Variants in CDH18 observed in about 807,000 individuals in gnomAD.
CDH18 encodes cadherin 18, also known as cadherin-18.
CDH18 carries 31 observed loss-of-function variants against 67.9 expected under a neutral mutation model. That is an observed-to-expected ratio of 0.46 (90% CI 0.34 to 0.62). The LOEUF (loss-of-function observed/expected upper bound fraction) is 0.62, where lower values mean the gene tolerates loss of function less well. CDH18 is among the 20% of genes least tolerant of loss of function. The probability of loss-of-function intolerance (pLI) is 0.01; values close to 1 mark genes in which losing one functional copy is unlikely to be tolerated. For synonymous variants in CDH18, 362 were observed against 347.2 expected (o/e 1.04, Z -0.48); for missense variants, 890 against 975.5 (o/e 0.91, Z 1.17).
In CDH18 at chr5:19,473,292, G is replaced by T; in HGVS notation, c.2307C>A (p.Asp769Glu). Residue 769 changes from aspartate to glutamate, a missense_variant, in exon 13 of 13, where the codon GAC becomes GAA. Physicochemically the swap from Asp to Glu is conservative, Grantham distance 45 (BLOSUM62 2). Coordinates refer to ENST00000382275, the MANE Select transcript of CDH18 (RefSeq NM_004934.5). ...QSDQDYHYLG[D>E]WGPEFKKLAE... Reference sequence around the variant, plus strand: ...CTAACTTTTTAAACTCGGGTCCCCAGTCTCCAAGGTAGTGATAATCCTGGT... The same window carrying T: ...CTAACTTTTTAAACTCGGGTCCCCATTCTCCAAGGTAGTGATAATCCTGGT... 6.2e-7 allele frequency: 1 copy of T among 1,613,788 alleles called. No homozygotes were observed. Among genetic ancestry groups the T allele is most frequent in the Non-Finnish European group, 8.5e-7 (1 of 1,179,844 alleles).
chr5:20,204,137 A>C (rs1739689522), intron 2 of CDH18, among the ~76,000 whole-genome samples: 1 of 152,078 alleles, frequency 6.6e-6, no homozygotes, highest in Admixed American at 6.6e-5. Flanking sequence ...ATCCAGGTGC[A>C]GAAACGTCAG....
intron 2 of CDH18, among the ~76,000 whole-genome samples, chr5:20,166,456 A>AG (rs1318955335): frequency 0.05 from 262 of 5,250 alleles, 6 homozygotes; most frequent in African/African-American, 0.13. Context: ...AAAAAAAAAG[A>AG]AAAGAAAAGA....
intron 2 of CDH18, among the ~76,000 whole-genome samples, chr5:20,084,831 A>G (rs1017471975): frequency 1.3e-5 from 2 of 152,142 alleles, no homozygotes; most frequent in East Asian, 3.9e-4. Context: ...GGGATGCAGG[A>G]TACCAAGTCC....
At chr5:20,153,767 T>G (rs1751308197) in intron 2 of CDH18, among the ~76,000 whole-genome samples, 5 of 152,100 alleles carry the variant, frequency 3.3e-5, no homozygotes, top group Admixed American at 3.3e-4. Flanking sequence ...TGCTATATTT[T>G]CCTCTTCTTA....
In CDH18 at chr5:19,814,847, TACACAC is replaced by T. The variant is rs200095987; in HGVS notation, c.228+23906_228+23911del. On this transcript the variant is annotated intron_variant, in intron 3 of 12. Transcript: ENST00000382275. ...GTCACCTCTGGTTTAGCAAAATTGTTACACACACACACACACACACACACACACATG... is the reference window on the plus strand; with the variant it reads ...GTCACCTCTGGTTTAGCAAAATTGTTACACACACACACACACACACACATG... Among the ~76,000 whole-genome samples the T allele has an allele frequency of 3.1e-4, 39 of 127,794 alleles. No homozygotes were observed. The South Asian group carries it at 3.9e-3, about 13-fold the overall frequency. The allele number at this position is 127,794 out of a possible 152,430, so 83.8% of individuals were successfully genotyped here.
chr5:20,090,059 G>T (rs1446608624), intron 2 of CDH18, among the ~76,000 whole-genome samples: 1 of 152,086 alleles, frequency 6.6e-6, no homozygotes. Flanking sequence ...TAGTTTAAGA[G>T]GGTATGACAA....
chr5:19,872,569 A>G (rs1411752496), intron 2 of CDH18, among the ~76,000 whole-genome samples: 1 of 152,110 alleles, frequency 6.6e-6, no homozygotes, highest in South Asian at 2.1e-4. Flanking sequence ...CTGCAGCCAG[A>G]AAAAATGAAT....
chr5:19,535,269 A>G (rs985864393), intron 9 of CDH18, among the ~76,000 whole-genome samples: 6 of 152,198 alleles, frequency 3.9e-5, no homozygotes, highest in African/African-American at 1.4e-4. Flanking sequence ...ACTTTTGATC[A>G]TTGGTTAAGG....
chr5:20,281,755 G>A (rs929283716), intron 1 of CDH18, among the ~76,000 whole-genome samples: 26 of 152,096 alleles, frequency 1.7e-4, no homozygotes, highest in Admixed American at 1.3e-4. Flanking sequence ...GAAAGTCATT[G>A]GTAGGTAGTT....
chr5:20,307,018 T>C (rs1736526464), intron 1 of CDH18, among the ~76,000 whole-genome samples: 1 of 141,202 alleles, frequency 7.1e-6, no homozygotes, highest in African/African-American at 3.0e-5. Flanking sequence ...TGTGATATCT[T>C]ATGAGGAAAA....
rs553054944 is a variant in CDH18, at chr5:19,944,799, A to G, written c.-257+36261T>C. 4.6e-5 allele frequency among the ~76,000 whole-genome samples: 7 copies of G among 152,256 alleles called. No individual in the cohort carries two copies. The South Asian group carries it at 1.4e-3, about 32-fold the overall frequency. ...CTACTCAAGAAATGACACAATAGAC[A>G]GCCATAAAAGGATTCCAAAAGCTGG... is the stretch of plus-strand genomic sequence containing the variant. On this transcript the variant is annotated intron_variant, in intron 2 of 12. Transcript: ENST00000382275.
chr5:19,667,490 T>TTATA (rs375310681), intron 5 of CDH18, among the ~76,000 whole-genome samples: 27 of 130,504 alleles, frequency 2.1e-4, no homozygotes, highest in African/African-American at 5.7e-4. Context: ...AATATATATG[T>TTATA]TATATATATA....
At chr5:19,971,549 TA>T (rs1798015782) in intron 2 of CDH18, among the ~76,000 whole-genome samples, 1 of 152,010 alleles carries the variant, frequency 6.6e-6, no homozygotes, top group South Asian at 2.1e-4. Flanking sequence ...TATTGGTCAT[TA>T]AAACATACTA....
chr5:20,035,329 C>G (rs1739755488), intron 2 of CDH18, among the ~76,000 whole-genome samples: 1 of 151,978 alleles, frequency 6.6e-6, no homozygotes, highest in African/African-American at 2.4e-5. Flanking sequence ...GAGCCAGGTA[C>G]TGGACTGTAA....
At chr5:19,838,624 G>A in intron 3 of CDH18, 135 bp downstream of exon 3, 1 of 623,526 alleles carries the variant, frequency 1.6e-6, no homozygotes, top group Non-Finnish European at 2.8e-6. Flanking sequence ...ATAAGTAGTA[G>A]TTTCTATAGC....
rs553723574 is a variant in CDH18, at chr5:20,423,946, C to CAAA, written c.-580+151513_-580+151515dup. Among the ~76,000 whole-genome samples, 300 of 63,776 alleles carry CAAA rather than the reference C, an allele frequency of 4.7e-3. 39 individuals are homozygous for CAAA. The highest frequency in any genetic ancestry group is 0.021 in the African/African-American group (238 of 11,184). 41.8% of individuals were successfully genotyped at this position (63,776 alleles called of 152,430 possible). ...TGGGCGACTGAGCGAGACTCCGTCTCAAAAAAAAAAAAAAAAAAAAAAAAA... is the reference window on the plus strand; with the variant it reads ...TGGGCGACTGAGCGAGACTCCGTCTCAAAAAAAAAAAAAAAAAAAAAAAAAAAA... On this transcript the variant is annotated intron_variant, in intron 1 of 14. Coordinates refer to the CDH18 transcript ENST00000507958.
At chr5:19,640,626 G>A (rs1753861518) in intron 5 of CDH18, among the ~76,000 whole-genome samples, 1 of 152,004 alleles carries the variant, frequency 6.6e-6, no homozygotes, top group South Asian at 2.1e-4. Context: ...ATGAAATTTA[G>A]AGAATATTTC....
intron 2 of CDH18, among the ~76,000 whole-genome samples, chr5:20,215,875 C>A (rs759849876): frequency 1.3e-5 from 2 of 151,748 alleles, no homozygotes; most frequent in East Asian, 1.9e-4. Context: ...AATGCAGGAA[C>A]AGAAAACCAA....
intron 2 of CDH18, among the ~76,000 whole-genome samples, chr5:19,945,763 T>C (rs1279411165): frequency 6.6e-6 from 1 of 151,986 alleles, no homozygotes; most frequent in Non-Finnish European, 1.5e-5. Flanking sequence ...GTGGTGGAAA[T>C]GATAGTGCAT....
Sources: allele counts gnomAD v4.1 joint callset (sites outside exome capture counted in the v4.1 genomes callset), GRCh38; gene constraint gnomAD v4.1.1; transcripts MANE v1.5; gene names NCBI Gene and HGNC (gene_info 2026-07-23, HGNC 2026-07-21).